The following ZNF609 variants were observed in gnomAD, a reference collection of about 807,000 sequenced individuals.
ZNF609 encodes the protein zinc finger protein 609.
Under a neutral mutation model 109.5 loss-of-function variants are expected in ZNF609, and 11 were observed. The ratio of observed to expected loss-of-function variants is 0.10; its 90% CI spans 0.06 to 0.17. The LOEUF is 0.17. Ranked by LOEUF, ZNF609 falls within the 10% of genes least tolerant of loss-of-function variation. The pLI is 1.00. For synonymous variants in ZNF609, 646 were observed against 662.0 expected (o/e 0.98, Z 0.37); for missense variants, 1,559 against 1,772.4 (o/e 0.88, Z 2.16).
At chr15:64,467,737 C>T (rs1377891257) in intron 1 of ZNF609, among the ~76,000 whole-genome samples, 4 of 152,046 alleles carry the variant, frequency 2.6e-5, no homozygotes, top group East Asian at 1.9e-4. Flanking sequence ...CCCAGCTACT[C>T]GGGAGGCTGA....
At chr15:64,610,368 ATAAC>A (rs755801477) in intron 2 of ZNF609, among the ~76,000 whole-genome samples, 80 of 152,188 alleles carry the variant, frequency 5.3e-4, no homozygotes, top group Non-Finnish European at 8.5e-4. Context: ...ATTAGGAAAA[ATAAC>A]TAATATTTAC....
chr15:64,597,801 G>A (rs1895422783), intron 2 of ZNF609, among the ~76,000 whole-genome samples: 2 of 152,032 alleles, frequency 1.3e-5, no homozygotes, highest in South Asian at 2.1e-4. Context: ...CAGCTCACAG[G>A]ACCACCCAGT....
chr15:64,628,943 A>G (rs1383329318), intron 3 of ZNF609, among the ~76,000 whole-genome samples: 1 of 151,878 alleles, frequency 6.6e-6, no homozygotes, highest in Non-Finnish European at 1.5e-5. Context: ...CTATTGTAAT[A>G]ACATCCTGTC....
chr15:64,479,284 A>ATTTTTTTTTTTTTTTT (rs34496032), intron 1 of ZNF609, among the ~76,000 whole-genome samples: 2 of 86,542 alleles, frequency 2.3e-5, no homozygotes, highest in Non-Finnish European at 3.9e-5. Flanking sequence ...TACCTGTGTG[A>ATTTTTTTTTTTTTTTT]TTTTTTTTTT....
chr15:64,526,742 A>G (rs1012441277), intron 2 of ZNF609, among the ~76,000 whole-genome samples: 2 of 152,094 alleles, frequency 1.3e-5, no homozygotes, highest in African/African-American at 4.8e-5. Flanking sequence ...GGCTCAAGCA[A>G]TCCTCCTGCC....
chr15:64,626,741 G>A (rs1268661876), intron 3 of ZNF609, among the ~76,000 whole-genome samples: 1 of 152,078 alleles, frequency 6.6e-6, no homozygotes, highest in African/African-American at 2.4e-5. Context: ...AACCTTGGAT[G>A]CATTTTTAAA....
At position 64,535,851 on chromosome 15, in the gene ZNF609, A is replaced by T. The variant is rs951671545; in HGVS notation, c.747+35685A>T. 2.0e-5 allele frequency among the ~76,000 whole-genome samples: 3 copies of T among 152,006 alleles called. No individual in the cohort carries two copies. In the South Asian group the frequency reaches 6.2e-4, roughly 32 times the overall value. ...GTAATGGTACCTCAATGTGGTTTTA[A>T]TTTGCATTTCTCTAATGATAACAGT... On this transcript the variant is annotated intron_variant, in intron 2 of 9. Coordinates refer to ENST00000326648, the MANE Select transcript of ZNF609 (RefSeq NM_015042.2).
intron 4 of ZNF609, among the ~76,000 whole-genome samples, chr15:64,672,518 G>A (rs1896747816): frequency 6.7e-6 from 1 of 148,960 alleles, no homozygotes; most frequent in Non-Finnish European, 1.5e-5. Context: ...CCAGCTACTC[G>A]GGAGCCTGAG....
At chr15:64,510,844 G>C (rs1893715028) in intron 2 of ZNF609, among the ~76,000 whole-genome samples, 1 of 152,012 alleles carries the variant, frequency 6.6e-6, no homozygotes, top group South Asian at 2.1e-4. Flanking sequence ...TACAGCCCTA[G>C]TGGCAAATAC....
At chr15:64,676,848 G>A (rs1177652729) in intron 5 of ZNF609, among the ~76,000 whole-genome samples, 1 of 151,582 alleles carries the variant, frequency 6.6e-6, no homozygotes, top group East Asian at 1.9e-4. Context: ...CTGCCTCCCA[G>A]GTTCACACGA....
intron 2 of ZNF609, among the ~76,000 whole-genome samples, chr15:64,538,517 G>A (rs1248718982): frequency 6.6e-6 from 1 of 152,070 alleles, no homozygotes; most frequent in Non-Finnish European, 1.5e-5. Context: ...TATCTGTAAA[G>A]TGTGGATTTT....
At chr15:64,585,642 A>G (rs572164846) in intron 2 of ZNF609, among the ~76,000 whole-genome samples, 1 of 152,292 alleles carries the variant, frequency 6.6e-6, no homozygotes, top group South Asian at 2.1e-4. Flanking sequence ...CAGTGTAGCT[A>G]GCTAGTTGAC....
chr15:64,561,126 C>T (rs945072076), intron 2 of ZNF609, among the ~76,000 whole-genome samples: 1 of 152,312 alleles, frequency 6.6e-6, no homozygotes, highest in Non-Finnish European at 1.5e-5. Context: ...CCTGGTCCCT[C>T]ATCCTGGTTG....
intron 2 of ZNF609, among the ~76,000 whole-genome samples, chr15:64,576,059 G>A (rs1450993202): frequency 6.6e-6 from 1 of 152,036 alleles, no homozygotes; most frequent in Non-Finnish European, 1.5e-5. Context: ...CCGAGATCGC[G>A]CCGCTGCACT....
At chr15:64,519,982 T>C (rs917036235) in intron 2 of ZNF609, among the ~76,000 whole-genome samples, 1 of 152,190 alleles carries the variant, frequency 6.6e-6, no homozygotes, top group Non-Finnish European at 1.5e-5. Context: ...CAGCAACAAA[T>C]GTTTGTTCTA....
chr15:64,594,704 G>A (rs1011351099), intron 2 of ZNF609, among the ~76,000 whole-genome samples: 6 of 151,570 alleles, frequency 4.0e-5, no homozygotes, highest in African/African-American at 7.2e-5. Flanking sequence ...CAGAATGAAC[G>A]TAAGGATTTT....
intron 3 of ZNF609, among the ~76,000 whole-genome samples, chr15:64,663,692 C>G (rs1445250395): frequency 6.6e-6 from 1 of 151,942 alleles, no homozygotes; most frequent in African/African-American, 2.4e-5. Flanking sequence ...GGAAGCGTTT[C>G]AAGAAGGGAA....
At chr15:64,504,060 TTA>T (rs1893597125) in intron 2 of ZNF609, among the ~76,000 whole-genome samples, 1 of 152,242 alleles carries the variant, frequency 6.6e-6, no homozygotes, top group South Asian at 2.1e-4. Context: ...CCACTAGCTG[TTA>T]TTTCTCAGCT....
At chr15:64,490,799 T>C (rs1267565047) in intron 1 of ZNF609, among the ~76,000 whole-genome samples, 1 of 152,208 alleles carries the variant, frequency 6.6e-6, no homozygotes, top group Non-Finnish European at 1.5e-5. Context: ...GGATCTGAAC[T>C]TGAGCCCAGT....
Sources: allele counts gnomAD v4.1 joint callset (sites outside exome capture counted in the v4.1 genomes callset), GRCh38; gene constraint gnomAD v4.1.1; transcripts MANE v1.5; gene names NCBI Gene and HGNC (gene_info 2026-07-23, HGNC 2026-07-21).